TSTD2: variants seen among roughly 807,000 people sequenced by gnomAD.
TSTD2 encodes the protein thiosulfate sulfurtransferase/rhodanese-like domain-containing protein 2.
A neutral mutation model predicts 47.9 loss-of-function variants in TSTD2; 37 were observed. The observed-to-expected ratio is 0.77, with a 90% CI of 0.59 to 1.02. The LOEUF (loss-of-function observed/expected upper bound fraction) is 1.02. TSTD2 is among the 50% of genes least tolerant of loss of function. The probability of loss-of-function intolerance (pLI) is 0.00; values close to 1 mark genes in which losing one functional copy is unlikely to be tolerated. For synonymous variants in TSTD2, 201 were observed against 215.9 expected, an observed-to-expected ratio of 0.93 and a Z score of 0.61; for missense variants, 586 against 616.0, an observed-to-expected ratio of 0.95 and a Z score of 0.52.
At chr9:97,631,818 T>C (rs1034290345) in intron 1 of TSTD2, among the ~76,000 whole-genome samples, 3 of 151,474 alleles carry the variant, frequency 2.0e-5, no homozygotes, top group African/African-American at 7.3e-5. Flanking sequence ...CACTCCAGCC[T>C]GGGCAACAGA....
intron 2 of TSTD2, 67 bp from the exon 3 acceptor site, chr9:97,626,064 C>T (rs1826715576): frequency 6.9e-7 from 1 of 1,441,550 alleles, no homozygotes; most frequent in Non-Finnish European, 9.3e-7. Context: ...AGAAGTCTCA[C>T]TAAGATTCTT....
At chr9:97,631,087 T>G (rs1826801384) in intron 1 of TSTD2, among the ~76,000 whole-genome samples, 1 of 152,226 alleles carries the variant, frequency 6.6e-6, no homozygotes, top group Non-Finnish European at 1.5e-5. Flanking sequence ...GATTCCTGAC[T>G]CCTTATTTTC....
chr9:97,600,575 A>T lies in TSTD2; in HGVS notation c.*1894T>A. On this transcript the variant is annotated 3_prime_UTR_variant, in exon 10 of 10. Transcript: ENST00000341170. ...TTATGTGAGGTAAGACACTAGAGGG[A>T]TAAATTTCCAGATCAACATGGCTAT... 3 of 986,300 alleles carry T rather than the reference A, an allele frequency of 3.0e-6. No homozygotes were observed. The highest frequency in any genetic ancestry group is 3.6e-6 in the Non-Finnish European group (3 of 830,574). The allele number at this position is 986,300 out of a possible 1,614,324, so 61.1% of individuals were successfully genotyped here. A position where few individuals can be genotyped will look rare whatever the true frequency, so the allele number is the denominator to read the frequency against.
At position 97,604,758 on chromosome 9, in the gene TSTD2, A is replaced by G. The variant is rs1292924458; in HGVS notation, c.1221T>C (p.Tyr407=). 1 of 1,614,242 alleles carries G rather than the reference A, an allele frequency of 6.2e-7. No individual in the cohort carries two copies. The highest frequency in any genetic ancestry group is 1.1e-5 in the South Asian group (1 of 91,088). Residue 407 remains tyrosine (Y), a synonymous_variant, in exon 9 of 10, where the codon TAT becomes TAC. Transcript: ENST00000341170. ...CCACATCACTGTTGTAGGACAGAGC[A>G]TAGCGTTCATCAAAAACAAACAACT... is the stretch of plus-strand genomic sequence containing the variant. ...KGKLFVFDER[Y]ALSYNSDVVS...
At chr9:97,626,053 T>C (rs1826715355) in intron 2 of TSTD2, 56 bp from the exon 3 acceptor site, 15 of 1,490,552 alleles carry the variant, frequency 1.0e-5, no homozygotes, top group East Asian at 4.6e-5. Flanking sequence ...TTATGGCTAA[T>C]AGAAGTCTCA....
chr9:97,616,030 A>G (rs1454880768), intron 4 of TSTD2, among the ~76,000 whole-genome samples: 1 of 152,144 alleles, frequency 6.6e-6, no homozygotes, highest in Non-Finnish European at 1.5e-5. Flanking sequence ...ATGCCATGAG[A>G]GAGTGCACTG....
chr9:97,626,924 AT>A (rs35269035), intron 2 of TSTD2, among the ~76,000 whole-genome samples: 85,158 of 150,476 alleles, frequency 0.57, 25,079 homozygotes, highest in Middle Eastern at 0.68. Context: ...ATGCTACCCT[AT>A]TTTTTTTTTT....
chr9:97,629,471 G>T lies in TSTD2; in HGVS notation c.-50-1859C>A, dbSNP rs574522463. ...GCTCAAAATGAGCTTTGTTATAAGG[G>T]TAAGGCAAGGTAATACAGATTTATT... On this transcript the variant is annotated intron_variant, in intron 1 of 9. Coordinates refer to ENST00000341170, the MANE Select transcript of TSTD2 (RefSeq NM_139246.5). 2.6e-5 allele frequency among the ~76,000 whole-genome samples: 4 copies of T among 152,338 alleles called. No individual in the cohort carries two copies. In the East Asian group the frequency reaches 7.7e-4, roughly 29 times the overall value.
rs760138090 is a variant in TSTD2, at chr9:97,602,688, G to A, written c.1332C>T (p.Cys444=). 8 of 1,614,210 alleles carry A rather than the reference G, an allele frequency of 5.0e-6. No individual in the cohort carries two copies. In the East Asian group the frequency reaches 8.9e-5, roughly 18 times the overall value. Residue 444 remains cysteine, a synonymous_variant, in exon 10 of 10, where the codon TGC becomes TGT. Transcript: ENST00000341170. ...TGAATCCTTGTCCTTGACAGGCAGG[G>A]CAGGTCAAAACGAGCTGGCGGCACT... ...TPQCRQLVLT[C]PACQGQGFTA...
At position 97,601,166 on chromosome 9, in the gene TSTD2, C is replaced by T; in HGVS notation, c.*1303G>A. On this transcript the variant is annotated 3_prime_UTR_variant, in exon 10 of 10. Coordinates refer to ENST00000341170, the MANE Select transcript of TSTD2 (RefSeq NM_139246.5). ...GCACCATGTTGCAGGGACAACCATCCCCATTTGGCTTCTCCTTAAAACACA... is the reference window on the plus strand; with the variant it reads ...GCACCATGTTGCAGGGACAACCATCTCCATTTGGCTTCTCCTTAAAACACA... The T allele has an allele frequency of 4.6e-6, 6 of 1,301,034 alleles. No individual in the cohort carries two copies. Among genetic ancestry groups the T allele is most frequent in the Admixed American group, 2.3e-5 (1 of 42,612 alleles). The allele number at this position is 1,301,034 out of a possible 1,614,324, so 80.6% of individuals were successfully genotyped here.
chr9:97,600,796 G>A lies in TSTD2; in HGVS notation c.*1673C>T, dbSNP rs764422064. The A allele has an allele frequency of 9.3e-6, 10 of 1,073,566 alleles. No homozygotes were observed. Among genetic ancestry groups the A allele is most frequent in the Non-Finnish European group, 1.0e-5 (9 of 880,382 alleles). 66.5% of individuals were successfully genotyped at this position (1,073,566 alleles called of 1,614,324 possible). ...ATGATTACACTGAAATGTAGTATTA[G>A]TACTGCTGCCAGATCTCTTTTTAAC... On this transcript the variant is annotated 3_prime_UTR_variant, in exon 10 of 10. Coordinates refer to ENST00000341170, the MANE Select transcript of TSTD2 (RefSeq NM_139246.5).
At chr9:97,626,607 C>A (rs1001878316) in intron 2 of TSTD2, among the ~76,000 whole-genome samples, 2 of 152,140 alleles carry the variant, frequency 1.3e-5, no homozygotes, top group African/African-American at 2.4e-5. Context: ...TTCTCTTAAC[C>A]AGTTACCAAC....
chr9:97,612,262 T>C (rs1476756273), intron 4 of TSTD2, among the ~76,000 whole-genome samples: 2 of 152,252 alleles, frequency 1.3e-5, no homozygotes, highest in African/African-American at 4.8e-5. Context: ...GGGCATTAGG[T>C]TGATTCCATG....
Position 97,600,566 on chromosome 9 carries a change from A to T in TSTD2, c.*1903T>A. On this transcript the variant is annotated 3_prime_UTR_variant, in exon 10 of 10. Transcript: ENST00000341170. ...GCAAATGGCTTATGTGAGGTAAGACACTAGAGGGATAAATTTCCAGATCAA... is the reference window on the plus strand; with the variant it reads ...GCAAATGGCTTATGTGAGGTAAGACTCTAGAGGGATAAATTTCCAGATCAA... The T allele has an allele frequency of 1.0e-6, 1 of 986,448 alleles. No individual in the cohort carries two copies. The highest frequency in any genetic ancestry group is 1.2e-6 in the Non-Finnish European group (1 of 830,682). The allele number at this position is 986,448 out of a possible 1,614,324, so 61.1% of individuals were successfully genotyped here. A position where few individuals can be genotyped will look rare whatever the true frequency, so the allele number is the denominator to read the frequency against.
rs370176840 is a variant in TSTD2, at chr9:97,602,708, G to A, written c.1312C>T (p.Arg438Cys). The change falls in exon 10 of 10, where the codon CGC becomes TGC. Residue 438 changes from arginine (R) to cysteine (C), a missense_variant. Arg to Cys is a radical substitution (Grantham distance 180). Transcript: ENST00000341170. ...QYKLCSTPQCRQLVLTCPACQ... is the reference protein window; with the variant it reads ...QYKLCSTPQCCQLVLTCPACQ... ...GCAGGGCAGGTCAAAACGAGCTGGC[G>A]GCACTGGGGAGTAGAGCAGAGTTTA... 8.5e-5 allele frequency: 138 copies of A among 1,614,038 alleles called. No homozygotes were observed. The highest frequency in any genetic ancestry group is 1.6e-4 in the Middle Eastern group (1 of 6,084).
rs1307487474 is a variant in TSTD2, at chr9:97,602,354, C to T, written c.*115G>A. The T allele has an allele frequency of 1.2e-5, 15 of 1,279,500 alleles. No individual in the cohort carries two copies. The highest frequency in any genetic ancestry group is 4.5e-5 in the African/African-American group (3 of 66,418). 79.3% of individuals were successfully genotyped at this position (1,279,500 alleles called of 1,614,324 possible). A position where few individuals can be genotyped will look rare whatever the true frequency, so the allele number is the denominator to read the frequency against. On this transcript the variant is annotated 3_prime_UTR_variant, in exon 10 of 10. Transcript: ENST00000341170. Reference sequence around the variant, plus strand: ...GTGTAGACGGCTGCCACGGTGGCAGCGGCCAGAACTGAAGTTCCCGATTTC... The same window carrying T: ...GTGTAGACGGCTGCCACGGTGGCAGTGGCCAGAACTGAAGTTCCCGATTTC...
Position 97,605,635 on chromosome 9 carries a change from A to C in TSTD2, c.961T>G (p.Phe321Val). Residue 321 changes from phenylalanine to valine, a missense_variant, in exon 8 of 10, where the codon TTC becomes GTC. By Grantham distance (50) the Phe-to-Val change is conservative (BLOSUM62 -1). Transcript: ENST00000341170. The part of the protein sequence containing the change: ...RNFYESKIGR[F>V]QGCLAPDIRK... ...ATGTCTGGGGCTAAGCAGCCTTGGA[A>C]TCGTCCCTGTAACATAGGAGCAACA... The C allele has an allele frequency of 6.2e-7, 1 of 1,614,252 alleles. No individual in the cohort carries two copies. The highest frequency in any genetic ancestry group is 8.5e-7 in the Non-Finnish European group (1 of 1,180,038).
chr9:97,616,553 C>A (rs1230449511), intron 4 of TSTD2, among the ~76,000 whole-genome samples: 1 of 151,888 alleles, frequency 6.6e-6, no homozygotes, highest in Admixed American at 6.6e-5. Context: ...GAGAAGGGAA[C>A]GGAATTAAGG....
Position 97,602,263 on chromosome 9 carries a change from C to T in TSTD2, c.*206G>A, listed in dbSNP as rs1428207705. 3.2e-6 allele frequency: 2 copies of T among 617,420 alleles called. No individual in the cohort carries two copies. The highest frequency in any genetic ancestry group is 5.5e-6 in the Non-Finnish European group (2 of 365,492). The allele number at this position is 617,420 out of a possible 1,614,324, so 38.2% of individuals were successfully genotyped here. The stretch of plus-strand genomic sequence containing the variant: ...AGCTCACCTATTTTCTGTGCTCTAG[C>T]ATCATCCAAATCAGAATGTCTCAGG... On this transcript the variant is annotated 3_prime_UTR_variant, in exon 10 of 10. Transcript: ENST00000341170.
Sources: allele counts gnomAD v4.1 joint callset (sites outside exome capture counted in the v4.1 genomes callset), GRCh38; gene constraint gnomAD v4.1.1; transcripts MANE v1.5; gene names NCBI Gene and HGNC (gene_info 2026-07-23, HGNC 2026-07-21).